Variants in NPAS3 observed in about 807,000 individuals in gnomAD.
NPAS3 encodes neuronal PAS domain-containing protein 3.
In NPAS3, 14 loss-of-function variants were observed where a neutral mutation model predicts 73.1. The observed-to-expected ratio is 0.19, with a 90% CI of 0.13 to 0.30. NPAS3 has a LOEUF of 0.30. NPAS3 is among the 10% of genes least tolerant of loss of function. The pLI is 1.00. For missense variants in NPAS3, 1,096 were observed against 1,250.0 expected (o/e 0.88, Z 1.86); for synonymous variants, 620 against 541.5 (o/e 1.14, Z -2.01).
chr14:33,183,427 T>TG (rs2045871839), intron 2 of NPAS3, among the ~76,000 whole-genome samples: 1 of 31,452 alleles, frequency 3.2e-5, no homozygotes, highest in South Asian at 1.5e-3. Flanking sequence ...CTCTGTTTTT[T>TG]TTTTTTTTTT....
chr14:33,363,488 AT>A (rs1489274877), intron 3 of NPAS3, among the ~76,000 whole-genome samples: 1 of 152,138 alleles, frequency 6.6e-6, no homozygotes, highest in East Asian at 1.9e-4. Flanking sequence ...GACAATCAGA[AT>A]TTTCCTAGAT....
intron 3 of NPAS3, among the ~76,000 whole-genome samples, chr14:33,250,355 T>C (rs941469899): frequency 6.6e-6 from 1 of 152,134 alleles, no homozygotes; most frequent in African/African-American, 2.4e-5. Flanking sequence ...GATTTATCTC[T>C]GTGGTAACTC....
chr14:33,277,829 G>A (rs1009822141), intron 3 of NPAS3, among the ~76,000 whole-genome samples: 1 of 152,084 alleles, frequency 6.6e-6, no homozygotes, highest in East Asian at 1.9e-4. Context: ...AGGGAAGGGA[G>A]GATGTTGGGA....
At position 33,463,002 on chromosome 14, in the gene NPAS3, G is replaced by A. The variant is rs564978057; in HGVS notation, c.468+95734G>A. On this transcript the variant is annotated intron_variant, in intron 4 of 11. Coordinates refer to ENST00000356141, the Ensembl canonical transcript of NPAS3. Reference sequence around the variant, plus strand: ...TGTTTTTCTGGTTTTAACATTCTGTGAGTTAACGATTTCCTTATCTTTTTA... The same window carrying A: ...TGTTTTTCTGGTTTTAACATTCTGTAAGTTAACGATTTCCTTATCTTTTTA... Among the ~76,000 whole-genome samples, 16 of 152,300 alleles carry A rather than the reference G, an allele frequency of 1.1e-4. 2 individuals carry two copies. The South Asian group carries it at 3.3e-3, about 32-fold the overall frequency.
chr14:33,006,051 G>A (rs1165092534), intron 1 of NPAS3, among the ~76,000 whole-genome samples: 1 of 152,070 alleles, frequency 6.6e-6, no homozygotes, highest in African/African-American at 2.4e-5. Flanking sequence ...CCCCTGACTC[G>A]GCACATTGAC....
chr14:32,939,068 G>A (rs1286927710), upstream of NPAS3, among the ~76,000 whole-genome samples: 6 of 145,510 alleles, frequency 4.1e-5, no homozygotes, highest in Admixed American at 6.8e-5. Context: ...CGCCCGCGAG[G>A]CTCCGGCCCC....
intron 2 of NPAS3, among the ~76,000 whole-genome samples, chr14:33,162,457 A>G (rs2044931416): frequency 6.6e-6 from 1 of 152,186 alleles, no homozygotes; most frequent in Admixed American, 6.5e-5. Flanking sequence ...TAGAATTAAT[A>G]AGGACTAATC....
At chr14:33,129,181 C>T (rs1056811547) in intron 2 of NPAS3, among the ~76,000 whole-genome samples, 8 of 152,022 alleles carry the variant, frequency 5.3e-5, no homozygotes, top group African/African-American at 1.2e-4. Flanking sequence ...TAATCTGTAG[C>T]GTGCTTCTCA....
At chr14:33,076,501 A>G (rs757869034) in intron 2 of NPAS3, among the ~76,000 whole-genome samples, 133 of 152,238 alleles carry the variant, frequency 8.7e-4, no homozygotes, top group Non-Finnish European at 1.7e-3. Context: ...TCTGGAAGAC[A>G]TATAGATAAT....
At chr14:33,780,651 C>T (rs181450079) in intron 9 of NPAS3, 55 of 454,940 alleles carry the variant, frequency 1.2e-4, no homozygotes, top group African/African-American at 1.0e-3. Context: ...CACAATTCCT[C>T]AGGAACAGTG....
At chr14:33,400,634 C>T (rs2047405613) in intron 4 of NPAS3, among the ~76,000 whole-genome samples, 2 of 151,994 alleles carry the variant, frequency 1.3e-5, no homozygotes, top group South Asian at 4.1e-4. Flanking sequence ...ACAACATAAC[C>T]AGGGACATTT....
At chr14:33,014,333 T>C (rs1317132467) in intron 1 of NPAS3, among the ~76,000 whole-genome samples, 2 of 152,184 alleles carry the variant, frequency 1.3e-5, no homozygotes, top group African/African-American at 4.8e-5. Context: ...ATGAAAAACA[T>C]ATAAATAATT....
At chr14:33,280,685 G>C (rs1476578811) in intron 3 of NPAS3, among the ~76,000 whole-genome samples, 2 of 152,174 alleles carry the variant, frequency 1.3e-5, no homozygotes, top group Non-Finnish European at 2.9e-5. Flanking sequence ...ATGTTGTCAA[G>C]AAAGGAAGAA....
chr14:33,133,453 C>T (rs747118594), intron 2 of NPAS3, among the ~76,000 whole-genome samples: 17 of 152,144 alleles, frequency 1.1e-4, no homozygotes, highest in Non-Finnish European at 2.4e-4. Context: ...GCATTCTGTT[C>T]ATAGTCATAA....
intron 5 of NPAS3, among the ~76,000 whole-genome samples, chr14:33,598,944 T>C (rs1285620710): frequency 6.6e-6 from 1 of 152,244 alleles, no homozygotes; most frequent in Non-Finnish European, 1.5e-5. Context: ...GGCTATTTTA[T>C]ATACACTGCA....
intron 1 of NPAS3, among the ~76,000 whole-genome samples, chr14:32,973,553 T>TTTTTTTA (rs11424460): frequency 6.7e-6 from 1 of 149,052 alleles, no homozygotes; most frequent in Non-Finnish European, 1.5e-5. Context: ...TTTTTTTTTT[T>TTTTTTTA]AAGACAGAGT....
chr14:33,547,144 A>G (rs1450160182), intron 4 of NPAS3, among the ~76,000 whole-genome samples: 1 of 152,198 alleles, frequency 6.6e-6, no homozygotes, highest in Admixed American at 6.5e-5. Flanking sequence ...TTGGGATACA[A>G]GTCTTCCATT....
At chr14:33,765,542 G>C (rs746367408) in intron 7 of NPAS3, among the ~76,000 whole-genome samples, 2 of 152,090 alleles carry the variant, frequency 1.3e-5, no homozygotes, top group Non-Finnish European at 2.9e-5. Flanking sequence ...ATAAAGGAGC[G>C]TGCACAGGAA....
chr14:33,597,241 C>T (rs1391954216), intron 5 of NPAS3, among the ~76,000 whole-genome samples: 2 of 152,138 alleles, frequency 1.3e-5, no homozygotes, highest in African/African-American at 4.8e-5. Flanking sequence ...CTTTCACAGC[C>T]GTGAGCTCAA....
Sources: allele counts gnomAD v4.1 joint callset (sites outside exome capture counted in the v4.1 genomes callset), GRCh38; gene constraint gnomAD v4.1.1; transcripts MANE v1.5; gene names NCBI Gene and HGNC (gene_info 2026-07-23, HGNC 2026-07-21).